The following SIPA1L2 variants were observed in gnomAD, a reference collection of about 807,000 sequenced individuals.
The protein encoded by SIPA1L2 is signal-induced proliferation-associated 1-like protein 2.
A neutral mutation model predicts 163.9 loss-of-function variants in SIPA1L2; 56 were observed. The ratio of observed to expected loss-of-function variants is 0.34; its 90% CI spans 0.28 to 0.43. The LOEUF (loss-of-function observed/expected upper bound fraction) is 0.43. Ranked by LOEUF, SIPA1L2 falls within the 20% of genes least tolerant of loss-of-function variation. SIPA1L2 has a pLI of 1.00. For missense variants in SIPA1L2, 1,974 were observed against 2,193.5 expected, an observed-to-expected ratio of 0.90 and a Z score of 2.00; for synonymous variants, 877 against 865.7, an observed-to-expected ratio of 1.01 and a Z score of -0.23.
At chr1:232,588,578 T>C (rs1218891415) in intron 1 of SIPA1L2, among the ~76,000 whole-genome samples, 1 of 152,192 alleles carries the variant, frequency 6.6e-6, no homozygotes, top group African/African-American at 2.4e-5. Flanking sequence ...TCTACATACA[T>C]CTCGACCAAA....
intron 10 of SIPA1L2, among the ~76,000 whole-genome samples, chr1:232,455,664 G>A (rs890127424): frequency 1.4e-5 from 2 of 144,946 alleles, no homozygotes; most frequent in African/African-American, 5.2e-5. Flanking sequence ...GCAGTGAGCC[G>A]AGATCGCGCC....
chr1:232,431,896 C>T (rs1376507327), intron 16 of SIPA1L2, among the ~76,000 whole-genome samples: 1 of 152,164 alleles, frequency 6.6e-6, no homozygotes, highest in African/African-American at 2.4e-5. Context: ...ACTTACACGG[C>T]AACTTTAAGG....
Position 232,532,345 on chromosome 1 carries a change from T to C in SIPA1L2, c.-269-16737A>G, listed in dbSNP as rs369040468. Reference sequence around the variant, plus strand: ...ACCTTTATTAAGATAGAGAAGATTGTAGAAGGGAGTAGCAGTTACGGTTAA... The same window carrying C: ...ACCTTTATTAAGATAGAGAAGATTGCAGAAGGGAGTAGCAGTTACGGTTAA... On this transcript the variant is annotated intron_variant, in intron 2 of 22. Transcript: ENST00000674635. 4.6e-5 allele frequency among the ~76,000 whole-genome samples: 7 copies of C among 152,280 alleles called. No homozygotes were observed. In the East Asian group the frequency reaches 1.2e-3, roughly 25 times the overall value.
chr1:232,524,337 A>G (rs1667592809), intron 2 of SIPA1L2, among the ~76,000 whole-genome samples: 1 of 152,194 alleles, frequency 6.6e-6, no homozygotes, highest in Non-Finnish European at 1.5e-5. Flanking sequence ...ACAAAAGTCC[A>G]TGAGTGTGTC....
chr1:232,515,446 T>C lies in SIPA1L2; in HGVS notation c.-107A>G, dbSNP rs1414098680. The C allele has an allele frequency of 2.4e-6, 3 of 1,233,700 alleles. No homozygotes were observed. The highest frequency in any genetic ancestry group is 3.0e-5 in the African/African-American group (2 of 66,304). 76.4% of individuals were successfully genotyped at this position (1,233,700 alleles called of 1,614,324 possible). On this transcript the variant is annotated 5_prime_UTR_variant, in exon 3 of 23. Coordinates refer to ENST00000674635, the MANE Select transcript of SIPA1L2 (RefSeq NM_020808.5). ...CTTGCAGATATAAAGGCTTTGTCTG[T>C]AGTTGTATTTTTTCTTTTCTTAGCC...
chr1:232,499,739 A>G (rs556128802), intron 3 of SIPA1L2, among the ~76,000 whole-genome samples: 1 of 152,362 alleles, frequency 6.6e-6, no homozygotes, highest in East Asian at 1.9e-4. Flanking sequence ...ATAAAAGAAG[A>G]TGCCATCCAG....
chr1:232,619,669 G>T (rs1217060604), intron 1 of SIPA1L2, among the ~76,000 whole-genome samples: 1 of 152,206 alleles, frequency 6.6e-6, no homozygotes, highest in African/African-American at 2.4e-5. Flanking sequence ...GTCCTCAGGG[G>T]TCTCACACCC....
At chr1:232,417,953 G>A (rs944669870) in intron 18 of SIPA1L2, among the ~76,000 whole-genome samples, 1 of 152,186 alleles carries the variant, frequency 6.6e-6, no homozygotes, top group African/African-American at 2.4e-5. Context: ...CCTCACTGGA[G>A]GGGAAGCATC....
In SIPA1L2 at chr1:232,482,970, TTGA is replaced by T. The variant is rs553085631; in HGVS notation, c.1981+819_1981+821del. On this transcript the variant is annotated intron_variant, in intron 6 of 22. Coordinates refer to ENST00000674635, the MANE Select transcript of SIPA1L2 (RefSeq NM_020808.5). The stretch of plus-strand genomic sequence containing the variant: ...GTTCAAAGAGCAAGCACTTAGTTGT[TTGA>T]TAATAAGCAGAATTTTCCAATATGC... Among the ~76,000 whole-genome samples the T allele has an allele frequency of 4.1e-3, 620 of 152,354 alleles. 7 individuals are homozygous for T. Among genetic ancestry groups the T allele is most frequent in the African/African-American group, 0.014 (592 of 41,582 alleles).
chr1:232,585,127 A>G (rs766050925), intron 1 of SIPA1L2, among the ~76,000 whole-genome samples: 14 of 152,226 alleles, frequency 9.2e-5, no homozygotes, highest in African/African-American at 1.4e-4. Context: ...TAAATGTACA[A>G]TTTGGGGAAA....
chr1:232,614,734 A>G lies in SIPA1L2; in HGVS notation c.-319+15135T>C, dbSNP rs1298827523. 2.0e-5 allele frequency among the ~76,000 whole-genome samples: 3 copies of G among 152,358 alleles called. No individual in the cohort carries two copies. The East Asian group carries it at 5.8e-4, about 29-fold the overall frequency. On this transcript the variant is annotated intron_variant, in intron 1 of 22. Coordinates refer to ENST00000674635, the MANE Select transcript of SIPA1L2 (RefSeq NM_020808.5). ...AAAGGAATGCAACTTTCGAATTATC[A>G]AAATGCCATGATGCTCCTGTTAAAA...
intron 2 of SIPA1L2, among the ~76,000 whole-genome samples, chr1:232,565,409 T>C (rs1294232685): frequency 6.6e-6 from 1 of 152,220 alleles, no homozygotes. Flanking sequence ...TAGAATCTCC[T>C]TCAGGCCAAA....
At chr1:232,399,346 G>C (rs1314620619) in intron 22 of SIPA1L2, 73 bp from the exon 23 acceptor site, 15 of 1,502,166 alleles carry the variant, frequency 1.0e-5, no homozygotes, top group Middle Eastern at 1.7e-4. Context: ...TGGGCTACGA[G>C]AATCTTTGAT....
At chr1:232,481,754 G>A (rs907300039) in intron 6 of SIPA1L2, among the ~76,000 whole-genome samples, 2 of 152,136 alleles carry the variant, frequency 1.3e-5, no homozygotes, top group African/African-American at 2.4e-5. Flanking sequence ...GCACCTTAGT[G>A]GCTCAAATCC....
intron 19 of SIPA1L2, among the ~76,000 whole-genome samples, chr1:232,409,110 A>G (rs1054550124): frequency 6.6e-6 from 1 of 152,174 alleles, no homozygotes; most frequent in Non-Finnish European, 1.5e-5. Flanking sequence ...TGCTGTTTTA[A>G]TTATTATTAA....
chr1:232,450,107 T>C (rs570310885), intron 10 of SIPA1L2, among the ~76,000 whole-genome samples: 1 of 152,334 alleles, frequency 6.6e-6, no homozygotes, highest in East Asian at 1.9e-4. Context: ...TAGTGATTTC[T>C]CTGTGCATCA....
intron 1 of SIPA1L2, among the ~76,000 whole-genome samples, chr1:232,602,162 T>C (rs1405779221): frequency 6.6e-6 from 1 of 151,954 alleles, no homozygotes; most frequent in Non-Finnish European, 1.5e-5. Flanking sequence ...AAGAAGAGCT[T>C]GTGCACAGGC....
At position 232,401,322 on chromosome 1, in the gene SIPA1L2, A is replaced by G. The variant is rs144123899; in HGVS notation, c.5022+1070T>C. ...GGACAGCTGGTCACCCAAGCTGGGGAAAAAACACACGACCAGGAAAACAGG... is the reference window on the plus strand; with the variant it reads ...GGACAGCTGGTCACCCAAGCTGGGGGAAAAACACACGACCAGGAAAACAGG... On this transcript the variant is annotated intron_variant, in intron 22 of 22. Transcript: ENST00000674635. 4.6e-3 allele frequency among the ~76,000 whole-genome samples: 702 copies of G among 152,274 alleles called. 5 individuals carry two copies. Among genetic ancestry groups the G allele is most frequent in the African/African-American group, 0.016 (665 of 41,562 alleles).
intron 6 of SIPA1L2, among the ~76,000 whole-genome samples, chr1:232,482,429 G>A (rs936466388): frequency 6.8e-6 from 1 of 146,936 alleles, no homozygotes. Context: ...GTTGTTTGCA[G>A]AAAAGAGGAG....
Sources: allele counts gnomAD v4.1 joint callset (sites outside exome capture counted in the v4.1 genomes callset), GRCh38; gene constraint gnomAD v4.1.1; transcripts MANE v1.5; gene names NCBI Gene and HGNC (gene_info 2026-07-23, HGNC 2026-07-21).